The following LAPTM5 variants were observed in gnomAD, a reference collection of about 807,000 sequenced individuals.
The protein encoded by LAPTM5 is lysosomal protein transmembrane 5.
A neutral mutation model predicts 30.1 loss-of-function variants in LAPTM5; 11 were observed. The observed-to-expected ratio is 0.37, with a 90% CI of 0.23 to 0.60. The LOEUF (loss-of-function observed/expected upper bound fraction) is 0.60. Among genes scored for constraint, LAPTM5 ranks in the 20% least tolerant of loss-of-function variants. The probability of loss-of-function intolerance (pLI) is 0.71; values close to 1 mark genes in which losing one functional copy is unlikely to be tolerated. For missense variants in LAPTM5, 324 were observed against 332.5 expected (o/e 0.97, Z 0.20); for synonymous variants, 151 against 137.9 (o/e 1.10, Z -0.67).
intron 1 of LAPTM5, among the ~76,000 whole-genome samples, chr1:30,755,514 T>C (rs75995270): frequency 1.3e-5 from 2 of 152,112 alleles, no homozygotes; most frequent in African/African-American, 4.8e-5. Context: ...CCTTCCATAC[T>C]GCCCACAACC....
rs904842024 is a variant in LAPTM5, at chr1:30,732,644, A to C, written c.*1184T>G. The C allele has an allele frequency of 4.6e-5, 7 of 151,984 alleles. No individual in the cohort carries two copies. The highest frequency in any genetic ancestry group is 1.5e-4 in the African/African-American group (6 of 41,332). The allele number at this position is 151,984 out of a possible 1,614,324, so 9.4% of individuals were successfully genotyped here. On this transcript the variant is annotated 3_prime_UTR_variant, in exon 8 of 8. Coordinates refer to ENST00000294507, the MANE Select transcript of LAPTM5 (RefSeq NM_006762.3). Reference sequence around the variant, plus strand: ...GGTCAGCTCCCTGGAGGACCCCGACACACAGGGAAGCAGGCACAGGAGGGC... The same window carrying C: ...GGTCAGCTCCCTGGAGGACCCCGACCCACAGGGAAGCAGGCACAGGAGGGC...
At chr1:30,749,980 T>C (rs1640108761) in intron 1 of LAPTM5, among the ~76,000 whole-genome samples, 1 of 152,106 alleles carries the variant, frequency 6.6e-6, no homozygotes, top group Non-Finnish European at 1.5e-5. Flanking sequence ...ATGTGACGGC[T>C]CATGCAAAAC....
intron 6 of LAPTM5, among the ~76,000 whole-genome samples, chr1:30,736,376 G>C (rs1180417563): frequency 1.3e-5 from 2 of 152,158 alleles, no homozygotes; most frequent in African/African-American, 4.8e-5. Context: ...GATGCTCTCT[G>C]TGTGGGGTGT....
intron 1 of LAPTM5, among the ~76,000 whole-genome samples, chr1:30,747,505 C>T (rs1048752115): frequency 7.2e-5 from 11 of 152,186 alleles, no homozygotes; most frequent in African/African-American, 2.7e-4. Context: ...CGCTTTTCAC[C>T]TCTTCTTCTG....
chr1:30,732,634 G>A lies in LAPTM5; in HGVS notation c.*1194C>T, dbSNP rs949072369. On this transcript the variant is annotated 3_prime_UTR_variant, in exon 8 of 8. Transcript: ENST00000294507. Reference sequence around the variant, plus strand: ...TCCACCTCTGGGTCAGCTCCCTGGAGGACCCCGACACACAGGGAAGCAGGC... The same window carrying A: ...TCCACCTCTGGGTCAGCTCCCTGGAAGACCCCGACACACAGGGAAGCAGGC... 1 of 151,994 alleles carries A rather than the reference G, an allele frequency of 6.6e-6. No homozygotes were observed. Among genetic ancestry groups the A allele is most frequent in the Non-Finnish European group, 1.5e-5 (1 of 68,010 alleles). 9.4% of individuals were successfully genotyped at this position (151,994 alleles called of 1,614,324 possible). A position where few individuals can be genotyped will look rare whatever the true frequency, so the allele number is the denominator to read the frequency against.
At chr1:30,757,621 AGCAC>A in intron 1 of LAPTM5, 34 bp downstream of exon 1, 1 of 1,598,966 alleles carries the variant, frequency 6.3e-7, no homozygotes, top group Non-Finnish European at 8.5e-7. Flanking sequence ...CACTCACACA[AGCAC>A]GCACGCACAC....
chr1:30,744,557 T>G (rs754054231), intron 1 of LAPTM5, among the ~76,000 whole-genome samples: 6 of 152,200 alleles, frequency 3.9e-5, no homozygotes, highest in Non-Finnish European at 5.9e-5. Flanking sequence ...CAGGATTATC[T>G]GAGATCTGGA....
At chr1:30,752,477 C>A (rs1640151006) in intron 1 of LAPTM5, among the ~76,000 whole-genome samples, 2 of 152,140 alleles carry the variant, frequency 1.3e-5, no homozygotes, top group South Asian at 4.1e-4. Context: ...CTGCAGGGTC[C>A]TTCCCCTCCA....
rs1245355481 is a variant in LAPTM5, at chr1:30,757,757, C to T, written c.-12G>A. On this transcript the variant is annotated 5_prime_UTR_variant, in exon 1 of 8. Transcript: ENST00000294507. The stretch of plus-strand genomic sequence containing the variant: ...AAGCGGGGGTCCATGGTGCTGCCGT[C>T]CCCTCCTCTGAGACACTGAAGGGGA... 3.1e-6 allele frequency: 5 copies of T among 1,611,986 alleles called. No individual in the cohort carries two copies. Among genetic ancestry groups the T allele is most frequent in the Admixed American group, 1.7e-5 (1 of 59,926 alleles).
At chr1:30,736,336 TG>T (rs1313967630) in intron 6 of LAPTM5, among the ~76,000 whole-genome samples, 1 of 152,132 alleles carries the variant, frequency 6.6e-6, no homozygotes, top group African/African-American at 2.4e-5. Context: ...ACAGAAAGGC[TG>T]GGGGGAAATG....
At chr1:30,744,966 GA>G (rs951007828) in intron 1 of LAPTM5, among the ~76,000 whole-genome samples, 16 of 152,154 alleles carry the variant, frequency 1.1e-4, no homozygotes, top group African/African-American at 3.1e-4. Flanking sequence ...TTATATGATG[GA>G]AAAATTTAGA....
rs1251305774 is a variant in LAPTM5 at position 30,733,495 on chromosome 1, T to G, written c.*333A>C. On this transcript the variant is annotated 3_prime_UTR_variant, in exon 8 of 8. Coordinates refer to ENST00000294507, the MANE Select transcript of LAPTM5 (RefSeq NM_006762.3). ...GTTTTTGATTTGTCAGTTGCTTGGCTGAACTGATCAAGTCGATAGTTGCTT... is the reference window on the plus strand; with the variant it reads ...GTTTTTGATTTGTCAGTTGCTTGGCGGAACTGATCAAGTCGATAGTTGCTT... 7.2e-7 allele frequency: 1 copy of G among 1,391,510 alleles called. No homozygotes were observed. Among genetic ancestry groups the G allele is most frequent in the South Asian group, 1.2e-5 (1 of 81,586 alleles). The allele number at this position is 1,391,510 out of a possible 1,614,324, so 86.2% of individuals were successfully genotyped here.
chr1:30,742,451 C>T lies in LAPTM5; in HGVS notation c.181+5G>A, dbSNP rs1466776680. ...CGCCACTCCACCGGCGTCCCCTGGA[C>T]CTACCGATCCTGAGGTAGCCCATCT... is the stretch of plus-strand genomic sequence containing the variant. On this transcript the variant is annotated splice_donor_5th_base_variant and intron_variant, in intron 2 of 7. Transcript: ENST00000294507. 2 of 1,610,010 alleles carry T rather than the reference C, an allele frequency of 1.2e-6. No homozygotes were observed. Among genetic ancestry groups the T allele is most frequent in the Non-Finnish European group, 1.7e-6 (2 of 1,177,432 alleles).
At chr1:30,734,421 G>A (rs796313659) in intron 7 of LAPTM5, among the ~76,000 whole-genome samples, 1 of 152,148 alleles carries the variant, frequency 6.6e-6, no homozygotes, top group Non-Finnish European at 1.5e-5. Context: ...CACCACAAGG[G>A]ATGGGCTTCC....
chr1:30,742,778 A>T (rs1289428260), intron 1 of LAPTM5, among the ~76,000 whole-genome samples: 1 of 152,200 alleles, frequency 6.6e-6, no homozygotes, highest in Non-Finnish European at 1.5e-5. Context: ...TGGGCAAGCT[A>T]CTTGACTTCT....
Position 30,739,984 on chromosome 1 carries a change from A to G in LAPTM5, c.259-47T>C. 6.7e-7 allele frequency: 1 copy of G among 1,503,528 alleles called. No individual in the cohort carries two copies. 93.1% of individuals were successfully genotyped at this position (1,503,528 alleles called of 1,614,324 possible). A position where few individuals can be genotyped will look rare whatever the true frequency, so the allele number is the denominator to read the frequency against. On this transcript the variant is annotated intron_variant, in intron 3 of 7. Coordinates refer to ENST00000294507, the MANE Select transcript of LAPTM5 (RefSeq NM_006762.3). The surrounding 1 kb of genome is among the most constrained non-coding windows in gnomAD (Gnocchi z 4.2). Reference sequence around the variant, plus strand: ...GTCAAGTGTCCCCTGCATGCAGCCAACACTCCGCCACCCAGCCTGATATCC... The same window carrying G: ...GTCAAGTGTCCCCTGCATGCAGCCAGCACTCCGCCACCCAGCCTGATATCC...
intron 1 of LAPTM5, among the ~76,000 whole-genome samples, chr1:30,745,753 G>A (rs1640034206): frequency 6.6e-6 from 1 of 152,218 alleles, no homozygotes; most frequent in African/African-American, 2.4e-5. Context: ...GCACCCATGT[G>A]GCTCTCTAGG....
rs543475009 is a variant in LAPTM5, at chr1:30,739,541, G to C, written c.387+268C>G. ...ATTCACTCCCAGCAGCACTGACTGA[G>C]TGCTGACCATGGGCTGCACCCCCAA... On this transcript the variant is annotated intron_variant, in intron 4 of 7. Coordinates refer to ENST00000294507, the MANE Select transcript of LAPTM5 (RefSeq NM_006762.3). The surrounding 1 kb of genome is among the most constrained non-coding windows in gnomAD (Gnocchi z 4.2). 6.6e-6 allele frequency among the ~76,000 whole-genome samples: 1 copy of C among 152,176 alleles called. No individual in the cohort carries two copies. Among genetic ancestry groups the C allele is most frequent in the Non-Finnish European group, 1.5e-5 (1 of 68,038 alleles).
chr1:30,738,830 G>T, intron 5 of LAPTM5, 110 bp downstream of exon 5: 1 of 1,217,042 alleles, frequency 8.2e-7, no homozygotes, highest in Non-Finnish European at 1.1e-6. Context: ...TTCCTCCCAA[G>T]CTCCAACTCC....
Sources: allele counts gnomAD v4.1 joint callset (sites outside exome capture counted in the v4.1 genomes callset), GRCh38; gene constraint gnomAD v4.1.1; non-coding constraint Gnocchi (gnomAD v3.1); transcripts MANE v1.5; gene names NCBI Gene and HGNC (gene_info 2026-07-23, HGNC 2026-07-21).